Variants in PLEKHA8 observed in about 807,000 individuals in gnomAD.
PLEKHA8 encodes pleckstrin homology domain containing A8, also known as pleckstrin homology domain-containing family A member 8.
A neutral mutation model predicts 68.2 loss-of-function variants in PLEKHA8; 36 were observed. The observed-to-expected ratio is 0.53, with a 90% CI of 0.40 to 0.70. The LOEUF (loss-of-function observed/expected upper bound fraction) is 0.70. PLEKHA8 is among the 30% of genes least tolerant of loss of function. The pLI, the probability that PLEKHA8 is intolerant of heterozygous loss-of-function variation, is 0.00. For missense variants in PLEKHA8, 505 were observed against 615.4 expected (o/e 0.82, Z 1.90); for synonymous variants, 211 against 216.1 (o/e 0.98, Z 0.20).
intron 13 of PLEKHA8, among the ~76,000 whole-genome samples, chr7:30,115,664 A>T (rs530533321): frequency 1.3e-5 from 2 of 151,870 alleles, no homozygotes; most frequent in Admixed American, 1.3e-4. Flanking sequence ...ATACATGTAT[A>T]CGTGTATACA....
chr7:30,080,525 G>C lies in PLEKHA8; in HGVS notation c.*1738G>C, dbSNP rs1794876856. On this transcript the variant is annotated 3_prime_UTR_variant, in exon 14 of 14. Coordinates refer to ENST00000449726, the MANE Select transcript of PLEKHA8 (RefSeq NM_001197026.2). ...GTCAGAGAAGTTTATGTAGGGAGGG[G>C]TATTGGTTTTGCCTTTGTGTGTCTT... The C allele has an allele frequency of 1.0e-6, 1 of 985,170 alleles. No homozygotes were observed. Among genetic ancestry groups the C allele is most frequent in the Admixed American group, 6.2e-5 (1 of 16,254 alleles). 61.0% of individuals were successfully genotyped at this position (985,170 alleles called of 1,614,324 possible).
chr7:30,036,358 C>A (rs1791075818), intron 1 of PLEKHA8, among the ~76,000 whole-genome samples: 1 of 151,370 alleles, frequency 6.6e-6, no homozygotes, highest in Non-Finnish European at 1.5e-5. Context: ...GCAAGACTGT[C>A]ACAAATAGAT....
chr7:30,030,050 A>T (rs1173126041), intron 1 of PLEKHA8, among the ~76,000 whole-genome samples: 1 of 152,184 alleles, frequency 6.6e-6, no homozygotes, highest in Non-Finnish European at 1.5e-5. Context: ...TTAGATGAGA[A>T]TAACTCAAAG....
At chr7:30,072,081 G>A (rs1794272125) in intron 12 of PLEKHA8, 2 of 152,164 alleles carry the variant, frequency 1.3e-5, no homozygotes, top group Non-Finnish European at 2.9e-5. Context: ...TTACATTGAA[G>A]ACATGTATCT....
At chr7:30,098,422 A>C (rs1795716010) in intron 13 of PLEKHA8, among the ~76,000 whole-genome samples, 1 of 152,250 alleles carries the variant, frequency 6.6e-6, no homozygotes, top group Admixed American at 6.5e-5. Flanking sequence ...CTGCCCCCAG[A>C]GGTGGAGCCT....
rs1034542581 is a variant in PLEKHA8 at position 30,080,430 on chromosome 7, T to A, written c.*1643T>A. ...AGGTCCTTTGAGGGGCTTGGTTGAA[T>A]TGAGAGCATCATCTCTAGATGATGC... On this transcript the variant is annotated 3_prime_UTR_variant, in exon 14 of 14. Transcript: ENST00000449726. The A allele has an allele frequency of 2.0e-6, 2 of 985,146 alleles. No homozygotes were observed. The highest frequency in any genetic ancestry group is 3.5e-5 in the African/African-American group (2 of 57,204). The allele number at this position is 985,146 out of a possible 1,614,324, so 61.0% of individuals were successfully genotyped here.
intron 13 of PLEKHA8, among the ~76,000 whole-genome samples, chr7:30,127,907 T>G (rs926131839): frequency 1.2e-4 from 18 of 152,214 alleles, no homozygotes; most frequent in African/African-American, 3.9e-4. Flanking sequence ...TATGAGTTAA[T>G]TAAGAAGTTA....
chr7:30,115,656 A>G (rs927168248), intron 13 of PLEKHA8, among the ~76,000 whole-genome samples: 2 of 151,650 alleles, frequency 1.3e-5, no homozygotes, highest in African/African-American at 2.4e-5. Flanking sequence ...ATGTACACAT[A>G]CATGTATACG....
At chr7:30,095,483 C>T (rs1795577431), downstream of PLEKHA8, among the ~76,000 whole-genome samples, 1 of 152,222 alleles carries the variant, frequency 6.6e-6, no homozygotes, top group African/African-American at 2.4e-5. Context: ...GTTGCCTGTT[C>T]ACTCTGATGG....
intron 1 of PLEKHA8, among the ~76,000 whole-genome samples, chr7:30,040,743 C>T (rs144539046): frequency 1.9e-3 from 295 of 152,246 alleles, no homozygotes; most frequent in African/African-American, 6.7e-3. Context: ...TATTTAAATA[C>T]TCTTTTTTTT....
chr7:30,118,824 G>T (rs188409716), intron 13 of PLEKHA8, among the ~76,000 whole-genome samples: 4 of 151,794 alleles, frequency 2.6e-5, no homozygotes, highest in African/African-American at 7.3e-5. Flanking sequence ...TGATCCGCCC[G>T]TCTGAGGCCC....
In PLEKHA8 at chr7:30,029,317, G is replaced by A. The variant is rs75328763; in HGVS notation, c.40+515G>A. On this transcript the variant is annotated intron_variant, in intron 1 of 13. Transcript: ENST00000449726. ...ATCTGCGTGCACACCAGGGTGTCAA[G>A]AGTCCCAACTCCACAGTTTCAAAGC... 4.9e-3 allele frequency among the ~76,000 whole-genome samples: 750 copies of A among 152,312 alleles called. 4 individuals are homozygous for A. The highest frequency in any genetic ancestry group is 0.017 in the African/African-American group (712 of 41,562).
At chr7:30,122,015 AT>A (rs1486874228) in intron 13 of PLEKHA8, among the ~76,000 whole-genome samples, 1 of 152,242 alleles carries the variant, frequency 6.6e-6, no homozygotes, top group Non-Finnish European at 1.5e-5. Context: ...GGAAAGTAAT[AT>A]GCCTAGATTT....
intron 1 of PLEKHA8, among the ~76,000 whole-genome samples, chr7:30,039,419 G>T (rs1425492554): frequency 6.6e-6 from 1 of 152,300 alleles, no homozygotes; most frequent in East Asian, 1.9e-4. Context: ...GGAGGCTAAG[G>T]CAGGAGAATC....
intron 13 of PLEKHA8, among the ~76,000 whole-genome samples, chr7:30,115,296 C>G (rs1562556839): frequency 6.6e-6 from 1 of 152,048 alleles, no homozygotes; most frequent in East Asian, 1.9e-4. Context: ...ATTATTTTCT[C>G]TTGGTAAGCC....
intron 1 of PLEKHA8, among the ~76,000 whole-genome samples, chr7:30,043,606 C>A (rs1031030303): frequency 6.6e-6 from 1 of 152,104 alleles, no homozygotes; most frequent in Non-Finnish European, 1.5e-5. Context: ...CTGAGTATTG[C>A]ACTTTCTGGA....
chr7:30,104,170 G>A (rs905503618), intron 13 of PLEKHA8, among the ~76,000 whole-genome samples: 1 of 152,128 alleles, frequency 6.6e-6, no homozygotes, highest in Non-Finnish European at 1.5e-5. Flanking sequence ...ACATCCACTA[G>A]TTTGGTGAAC....
chr7:30,061,015 C>A, intron 10 of PLEKHA8, 73 bp downstream of exon 10: 1 of 1,416,700 alleles, frequency 7.1e-7, no homozygotes, highest in Admixed American at 1.9e-5. Context: ...TGTGCTTGGC[C>A]AGAATAAATC....
chr7:30,081,425 G>A lies in PLEKHA8; in HGVS notation c.*2638G>A, dbSNP rs1794923889. 1.0e-6 allele frequency: 1 copy of A among 984,624 alleles called. No homozygotes were observed. The highest frequency in any genetic ancestry group is 1.2e-6 in the Non-Finnish European group (1 of 829,254). The allele number at this position is 984,624 out of a possible 1,614,324, so 61.0% of individuals were successfully genotyped here. ...GTAAATTCAGCTTAACCTGAACCTT[G>A]GCATAGTCAGAGCTTCCTCCTACAT... On this transcript the variant is annotated 3_prime_UTR_variant, in exon 14 of 14. Transcript: ENST00000449726.
Sources: allele counts gnomAD v4.1 joint callset (sites outside exome capture counted in the v4.1 genomes callset), GRCh38; gene constraint gnomAD v4.1.1; transcripts MANE v1.5; gene names NCBI Gene and HGNC (gene_info 2026-07-23, HGNC 2026-07-21).